Variants in SPINK9 observed in about 807,000 individuals in gnomAD.
The protein encoded by SPINK9 is serine protease inhibitor Kazal-type 9.
A neutral mutation model predicts 10.8 loss-of-function variants in SPINK9; 3 were observed. The ratio of observed to expected loss-of-function variants is 0.28; its 90% CI spans 0.13 to 0.72. The LOEUF is 0.72. Ranked by LOEUF, SPINK9 falls within the 30% of genes least tolerant of loss-of-function variation. The pLI is 0.74. For synonymous variants in SPINK9, 30 were observed against 31.2 expected (o/e 0.96, Z 0.12); for missense variants, 101 against 103.2 (o/e 0.98, Z 0.09).
chr5:148,335,556 G>T (rs1757205098), upstream of SPINK9: 3 of 1,512,370 alleles, frequency 2.0e-6, no homozygotes, highest in Non-Finnish European at 9.2e-7. Context: ...AAGTGAGCTG[G>T]ACGGACACCA....
chr5:148,322,302 CAT>C (rs1436684567), intron 1 of SPINK9, among the ~76,000 whole-genome samples: 2 of 152,154 alleles, frequency 1.3e-5, no homozygotes, highest in African/African-American at 4.8e-5. Context: ...GTGTGGTACA[CAT>C]AGAAAAACTT....
chr5:148,331,330 A>G (rs1212781169), upstream of SPINK9, among the ~76,000 whole-genome samples: 1 of 152,264 alleles, frequency 6.6e-6, no homozygotes, highest in Non-Finnish European at 1.5e-5. Context: ...AACATAGATG[A>G]AACTAGAAGA....
At chr5:148,322,221 A>G (rs1757007449) in intron 1 of SPINK9, among the ~76,000 whole-genome samples, 1 of 152,230 alleles carries the variant, frequency 6.6e-6, no homozygotes, top group South Asian at 2.1e-4. Context: ...TGACACAGGT[A>G]TACTCTGTAA....
intron 1 of SPINK9, chr5:148,323,643 G>T: frequency 1.9e-6 from 1 of 535,718 alleles, no homozygotes; most frequent in Non-Finnish European, 3.3e-6. Context: ...ATATGAATGT[G>T]AAGTAAATTT....
At chr5:148,334,602 T>G (rs1026341112), upstream of SPINK9, among the ~76,000 whole-genome samples, 2 of 151,988 alleles carry the variant, frequency 1.3e-5, no homozygotes, top group Non-Finnish European at 1.5e-5. Flanking sequence ...TCCCAGCTAC[T>G]TGGGAGGCTG....
chr5:148,324,105 C>A (rs141801724), intron 2 of SPINK9, among the ~76,000 whole-genome samples: 202 of 152,236 alleles, frequency 1.3e-3, no homozygotes, highest in Non-Finnish European at 2.4e-3. Flanking sequence ...AAATCACTTT[C>A]TTTGCAACAT....
chr5:148,328,064 G>A (rs1194777442), intron 2 of SPINK9, among the ~76,000 whole-genome samples: 1 of 151,988 alleles, frequency 6.6e-6, no homozygotes, highest in Non-Finnish European at 1.5e-5. Context: ...TAGCTTGATG[G>A]GGATGGCATT....
At chr5:148,334,939 A>T (rs187106069), upstream of SPINK9, among the ~76,000 whole-genome samples, 1 of 152,326 alleles carries the variant, frequency 6.6e-6, no homozygotes, top group African/African-American at 2.4e-5. Context: ...CAGGTGTGCA[A>T]GATTCCCAAA....
intron 2 of SPINK9, among the ~76,000 whole-genome samples, chr5:148,338,085 T>C (rs1456534235): frequency 6.6e-6 from 1 of 152,114 alleles, no homozygotes; most frequent in Non-Finnish European, 1.5e-5. Flanking sequence ...CTTGCATTCA[T>C]ATTGAGCTTT....
Position 148,339,793 on chromosome 5 carries a change from C to A in SPINK9, c.*81C>A. On this transcript the variant is annotated 3_prime_UTR_variant, in exon 4 of 4. Coordinates refer to ENST00000377906, the MANE Select transcript of SPINK9 (RefSeq NM_001040433.2). ...TTCTGTTCCCATATTATCTATGCCA[C>A]ATTGCCTACTCATCACCATATGTAG... The A allele has an allele frequency of 8.6e-7, 1 of 1,159,846 alleles. No individual in the cohort carries two copies. The highest frequency in any genetic ancestry group is 1.3e-6 in the Non-Finnish European group (1 of 775,962). 71.8% of individuals were successfully genotyped at this position (1,159,846 alleles called of 1,614,324 possible).
intron 2 of SPINK9, among the ~76,000 whole-genome samples, chr5:148,337,878 T>A (rs536336769): frequency 6.6e-6 from 1 of 152,280 alleles, no homozygotes; most frequent in African/African-American, 2.4e-5. Flanking sequence ...AAAACTTTTC[T>A]TGGGAATTGC....
At chr5:148,327,342 T>A (rs899337999) in intron 2 of SPINK9, among the ~76,000 whole-genome samples, 1 of 152,178 alleles carries the variant, frequency 6.6e-6, no homozygotes, top group Non-Finnish European at 1.5e-5. Flanking sequence ...CCTTGCCCAC[T>A]TTTTGATGGG....
upstream of SPINK9, among the ~76,000 whole-genome samples, chr5:148,332,185 G>A (rs1398415844): frequency 1.3e-5 from 2 of 152,180 alleles, no homozygotes; most frequent in East Asian, 1.9e-4. Context: ...TACTAGTAAC[G>A]TGATAAATCT....
At chr5:148,323,943 T>A (rs1269449062) in intron 2 of SPINK9, 4 of 646,746 alleles carry the variant, frequency 6.2e-6, no homozygotes, top group Middle Eastern at 4.9e-4. Context: ...AAGAGAATAA[T>A]CACCCCTAAT....
intron 1 of SPINK9, chr5:148,323,564 A>C (rs944709691): frequency 1.7e-5 from 8 of 468,462 alleles, no homozygotes; most frequent in African/African-American, 1.6e-4. Context: ...AACTTTATTA[A>C]CTTTCTTTCC....
intron 2 of SPINK9, among the ~76,000 whole-genome samples, chr5:148,326,344 A>G (rs1757059298): frequency 1.3e-5 from 2 of 152,122 alleles, no homozygotes; most frequent in Admixed American, 6.5e-5. Context: ...AAGTTTCTCA[A>G]AAACTAAAAA....
exon 1 of SPINK9, chr5:148,321,359 T>C (rs1335491200): frequency 6.6e-6 from 1 of 152,102 alleles, no homozygotes; most frequent in Non-Finnish European, 1.5e-5. Flanking sequence ...ACATGAAGAA[T>C]GCAAAAGCCT....
upstream of SPINK9, among the ~76,000 whole-genome samples, chr5:148,330,597 G>T (rs1757135713): frequency 6.6e-6 from 1 of 152,166 alleles, no homozygotes; most frequent in Admixed American, 6.5e-5. Context: ...TTTCTTCCTA[G>T]CCTTGATGGT....
At position 148,323,757 on chromosome 5, in the gene SPINK9, T is replaced by C. The variant is rs114850672; in HGVS notation, c.7T>C (p.Phe3Leu). ...AATCAGCATTTGCATCTTTATGGTC[T>C]TTATGAATCCTTCTCATCATTGTTT... The change falls in exon 2 of 5, where the codon TTT (phenylalanine) becomes CTT (leucine). Residue 3 changes from phenylalanine to leucine, a missense_variant. Transcript: ENST00000511717. 1,096 of 699,296 alleles carry C rather than the reference T, an allele frequency of 1.6e-3. 6 individuals carry two copies. The African/African-American group carries it at 0.017, about 11-fold the overall frequency. The allele number at this position is 699,296 out of a possible 1,614,324, so 43.3% of individuals were successfully genotyped here. A position where few individuals can be genotyped will look rare whatever the true frequency, so the allele number is the denominator to read the frequency against.
Sources: gnomAD v4.1 joint callset for allele counts (sites outside exome capture counted in the v4.1 genomes callset) on GRCh38, gnomAD v4.1.1 for gene constraint, MANE v1.5 for transcripts, NCBI Gene and HGNC (gene_info 2026-07-23, HGNC 2026-07-21) for gene names.